LARGE1: variants seen among roughly 807,000 people sequenced by gnomAD.
The protein encoded by LARGE1 is xylosyl- and glucuronyltransferase LARGE1.
In LARGE1, 43 loss-of-function variants were observed where a neutral mutation model predicts 87.6. The ratio of observed to expected loss-of-function variants is 0.49; its 90% CI spans 0.38 to 0.63. The LOEUF (loss-of-function observed/expected upper bound fraction) is 0.63. Ranked by LOEUF, LARGE1 falls within the 30% of genes least tolerant of loss-of-function variation. LARGE1 has a pLI of 0.00. For synonymous variants in LARGE1, 434 were observed against 394.6 expected, an observed-to-expected ratio of 1.10 and a Z score of -1.18; for missense variants, 802 against 1,000.2, an observed-to-expected ratio of 0.80 and a Z score of 2.67.
chr22:33,877,157 A>G lies in LARGE1; in HGVS notation c.-83+42838T>C, dbSNP rs148328057. On this transcript the variant is annotated intron_variant, in intron 1 of 14. Coordinates refer to ENST00000397394, the MANE Select transcript of LARGE1 (RefSeq NM_133642.5). ...GGATCCAGAGGTAAACAAAACTAAG[A>G]AAGTCCCTTTTTAAAAAAAGCTGAT... is the stretch of plus-strand genomic sequence containing the variant. 8.5e-5 allele frequency among the ~76,000 whole-genome samples: 13 copies of G among 152,264 alleles called. No homozygotes were observed. The East Asian group carries it at 1.9e-3, about 23-fold the overall frequency.
At chr22:33,596,451 C>G (rs1236419274) in intron 5 of LARGE1, among the ~76,000 whole-genome samples, 2 of 152,164 alleles carry the variant, frequency 1.3e-5, no homozygotes, top group Non-Finnish European at 2.9e-5. Context: ...CCTTCGTATT[C>G]AGAAACCACA....
chr22:33,104,758 G>A, the LARGE1 span, among the ~76,000 whole-genome samples: 6 of 152,170 alleles, frequency 3.9e-5, no homozygotes, highest in African/African-American at 1.4e-4. Flanking sequence ...CAACTTTTCT[G>A]CCTTCCTCCC....
intron 1 of LARGE1, among the ~76,000 whole-genome samples, chr22:33,835,933 G>A (rs942958468): frequency 6.6e-5 from 10 of 152,170 alleles, no homozygotes; most frequent in African/African-American, 1.7e-4. Flanking sequence ...TATTAGCTCC[G>A]GTTTAGCTTG....
In LARGE1 at chr22:33,387,426, CAAAA is replaced by C. The variant is rs758366490; in HGVS notation, c.893-3126_893-3123del. ...GGGGTAACAGAGTGAGACTCTGTCT[CAAAA>C]AAAAAAAAAAAAAAAAGAAAGAAAG... is the stretch of plus-strand genomic sequence containing the variant. On this transcript the variant is annotated intron_variant, in intron 7 of 14. Transcript: ENST00000397394. Among the ~76,000 whole-genome samples, 198 of 67,488 alleles carry C rather than the reference CAAAA, an allele frequency of 2.9e-3. 4 individuals carry two copies. Among genetic ancestry groups the C allele is most frequent in the Admixed American group, 3.4e-3 (21 of 6,106 alleles). 44.3% of individuals were successfully genotyped at this position (67,488 alleles called of 152,430 possible).
At chr22:33,345,336 C>T (rs904746377) in intron 9 of LARGE1, among the ~76,000 whole-genome samples, 2 of 152,180 alleles carry the variant, frequency 1.3e-5, no homozygotes, top group African/African-American at 4.8e-5. Flanking sequence ...TCCCTTATTT[C>T]TCCCATATCT....
At chr22:33,259,083 T>C (rs886752517) in intron 11 of LARGE1, among the ~76,000 whole-genome samples, 1 of 152,112 alleles carries the variant, frequency 6.6e-6, no homozygotes, top group Non-Finnish European at 1.5e-5. Context: ...TTTCACCATG[T>C]TGGCCAGGAT....
At chr22:33,373,527 C>A (rs2064888533) in intron 9 of LARGE1, among the ~76,000 whole-genome samples, 1 of 152,142 alleles carries the variant, frequency 6.6e-6, no homozygotes. Flanking sequence ...CTATATCTTG[C>A]TGCATGTGAT....
intron 6 of LARGE1, among the ~76,000 whole-genome samples, chr22:33,447,643 C>T (rs745468941): frequency 3.0e-4 from 45 of 152,154 alleles, no homozygotes; most frequent in African/African-American, 1.0e-3. Context: ...GCCAAAGAGG[C>T]GGTGAAGGTG....
intron 1 of LARGE1, among the ~76,000 whole-genome samples, chr22:33,785,664 G>A (rs557198742): frequency 1.3e-5 from 2 of 152,250 alleles, no homozygotes; most frequent in African/African-American, 2.4e-5. Flanking sequence ...AACATAATTT[G>A]TTCATTTACA....
intron 1 of LARGE1, among the ~76,000 whole-genome samples, chr22:33,787,221 C>T (rs561531193): frequency 9.2e-5 from 14 of 152,088 alleles, no homozygotes; most frequent in Non-Finnish European, 1.9e-4. Flanking sequence ...TGCTGGTTAA[C>T]CTAAACCTCT....
At chr22:33,886,076 G>T (rs772339758) in intron 1 of LARGE1, among the ~76,000 whole-genome samples, 1 of 152,088 alleles carries the variant, frequency 6.6e-6, no homozygotes, top group African/African-American at 2.4e-5. Context: ...CCCAGGAAGG[G>T]TATCACTGAA....
chr22:33,199,908 G>A (rs1341656639), intron 11 of LARGE1, among the ~76,000 whole-genome samples: 4 of 151,486 alleles, frequency 2.6e-5, no homozygotes, highest in African/African-American at 4.9e-5. Context: ...GGAGGGCAGT[G>A]GCACAATCTC....
chr22:33,912,747 C>T (rs182520274), intron 1 of LARGE1, among the ~76,000 whole-genome samples: 265 of 148,960 alleles, frequency 1.8e-3, no homozygotes, highest in Admixed American at 6.2e-3. Context: ...TTTGGAAAGC[C>T]TCATAAGAGA....
chr22:33,834,352 G>A (rs952924614), intron 1 of LARGE1, among the ~76,000 whole-genome samples: 6 of 152,246 alleles, frequency 3.9e-5, no homozygotes, highest in Admixed American at 2.0e-4. Context: ...CATCCAAATG[G>A]CCTGAAGTAA....
intron 6 of LARGE1, among the ~76,000 whole-genome samples, chr22:33,508,268 G>C (rs1269940795): frequency 6.6e-6 from 1 of 152,138 alleles, no homozygotes; most frequent in Admixed American, 6.5e-5. Flanking sequence ...GTCACCCTGG[G>C]CAAGGCACAG....
the LARGE1 span, among the ~76,000 whole-genome samples, chr22:33,089,391 T>TTCTTCTTCC: frequency 7.3e-6 from 1 of 136,402 alleles, no homozygotes; most frequent in African/African-American, 3.0e-5. Flanking sequence ...CTTCTTCCTC[T>TTCTTCTTCC]TCTTCTTCTT....
intron 1 of LARGE1, among the ~76,000 whole-genome samples, chr22:33,767,749 G>GA (rs967590263): frequency 6.6e-6 from 1 of 151,958 alleles, no homozygotes; most frequent in Non-Finnish European, 1.5e-5. Flanking sequence ...AAAAATCTAA[G>GA]AAAAAAATAT....
chr22:33,089,362 T>C, the LARGE1 span, among the ~76,000 whole-genome samples: 198 of 78,078 alleles, frequency 2.5e-3, 2 homozygotes, highest in South Asian at 5.2e-3. Flanking sequence ...TTCTTCTTCT[T>C]CTTCTTCTCC....
chr22:33,415,037 G>A (rs936707073), intron 7 of LARGE1, among the ~76,000 whole-genome samples: 1 of 151,974 alleles, frequency 6.6e-6, no homozygotes, highest in Non-Finnish European at 1.5e-5. Context: ...TATTTTTTTC[G>A]ATTCAAACAA....
Sources: allele counts gnomAD v4.1 joint callset (sites outside exome capture counted in the v4.1 genomes callset), GRCh38; gene constraint gnomAD v4.1.1; transcripts MANE v1.5; gene names NCBI Gene and HGNC (gene_info 2026-07-23, HGNC 2026-07-21).